Variants in KLHL35 observed in about 807,000 individuals in gnomAD.
KLHL35 encodes the protein kelch like family member 35, also known as kelch-like protein 35.
A neutral mutation model predicts 44.0 loss-of-function variants in KLHL35; 50 were observed. The ratio of observed to expected loss-of-function variants is 1.14; its 90% confidence interval spans 0.91 to 1.44. The LOEUF (loss-of-function observed/expected upper bound fraction) is 1.44. KLHL35 is among the 40% of genes most tolerant of loss of function. KLHL35 has a pLI of 0.00. For missense variants in KLHL35, 1,049 were observed against 887.8 expected, an observed-to-expected ratio of 1.18 and a Z score of -2.31; for synonymous variants, 470 against 410.4, an observed-to-expected ratio of 1.15 and a Z score of -1.76.
At chr11:75,426,399 C>G in intron 4 of KLHL35, 121 bp downstream of exon 4, 1 of 602,604 alleles carries the variant, frequency 1.7e-6, no homozygotes, top group Non-Finnish European at 2.9e-6. Flanking sequence ...TTGGACAAGT[C>G]TCCTTTTTTG....
intron 3 of KLHL35, 145 bp downstream of exon 3, chr11:75,428,297 T>C (rs1948506634): frequency 1.1e-6 from 1 of 880,530 alleles, no homozygotes; most frequent in Non-Finnish European, 1.7e-6. Context: ...CACGCGTAGT[T>C]AGCCCTGCTC....
At chr11:75,432,323 G>A (rs1365047178) in intron 1 of KLHL35, among the ~76,000 whole-genome samples, 1 of 152,164 alleles carries the variant, frequency 6.6e-6, no homozygotes, top group Non-Finnish European at 1.5e-5. Context: ...TGAGAGATGA[G>A]CTCCCTGGTG....
rs1480388765 is a variant in KLHL35 at position 75,430,417 on chromosome 11, C to A, written c.213G>T (p.Ala71=). The change falls in exon 2 of 7, where the codon GCG becomes GCT. Residue 71 remains alanine (A), a synonymous_variant. Transcript: ENST00000539798. ...AGSAYFRSLF[A]AGRPERGPAV... ...CCGGGCCGCGCTCGGGCCGCCCGGC[C>A]GCGAACAAGCTGCGGAAGTAGGCGC... The A allele has an allele frequency of 7.3e-7, 1 of 1,369,612 alleles. No individual in the cohort carries two copies. The highest frequency in any genetic ancestry group is 9.5e-7 in the Non-Finnish European group (1 of 1,054,282). 84.8% of individuals were successfully genotyped at this position (1,369,612 alleles called of 1,614,324 possible). A position where few individuals can be genotyped will look rare whatever the true frequency, so the allele number is the denominator to read the frequency against.
At chr11:75,432,832 C>T (rs943844151) in intron 1 of KLHL35, among the ~76,000 whole-genome samples, 10 of 152,142 alleles carry the variant, frequency 6.6e-5, no homozygotes, top group African/African-American at 2.4e-4. Context: ...TGAGTCTAGG[C>T]ACTTCAAGCC....
intron 3 of KLHL35, among the ~76,000 whole-genome samples, chr11:75,427,734 AG>A (rs1460177474): frequency 6.6e-6 from 1 of 152,166 alleles, no homozygotes; most frequent in Non-Finnish European, 1.5e-5. Context: ...CTGAGTCCCC[AG>A]GGTTCCTTTC....
chr11:75,425,022 C>A, intron 5 of KLHL35: 1 of 201,598 alleles, frequency 5.0e-6, no homozygotes, highest in Non-Finnish European at 9.7e-6. Context: ...GCAGCTCTGC[C>A]TAGACGGTGG....
Position 75,430,283 on chromosome 11 carries a change from C to G in KLHL35, c.347G>C (p.Arg116Pro), listed in dbSNP as rs933172904. The part of the protein sequence containing the change: ...VLDYVYGAGV[R>P]LRAEDEAAAV... ...CGCCGCCTCGTCCTCCGCGCGCAGCCGCACGCCCGCTCCGTACACGTAGTC... is the reference window on the plus strand; with the variant it reads ...CGCCGCCTCGTCCTCCGCGCGCAGCGGCACGCCCGCTCCGTACACGTAGTC... Residue 116 changes from arginine (R) to proline (P), a missense_variant, in exon 2 of 7, where the codon CGG (arginine) becomes CCG (proline). By Grantham distance (103) the Arg-to-Pro change is moderately radical. Transcript: ENST00000539798. The G allele has an allele frequency of 4.1e-6, 5 of 1,210,116 alleles. No homozygotes were observed. The African/African-American group carries it at 8.1e-5, about 20-fold the overall frequency. 75.0% of individuals were successfully genotyped at this position (1,210,116 alleles called of 1,614,324 possible).
At position 75,430,094 on chromosome 11, in the gene KLHL35, C is replaced by T; in HGVS notation, c.536G>A (p.Arg179His). ...PLAERCGRVL[R>H]QAFAEVARHA... is the part of the protein sequence containing the mutation. ...GCGCGCCACCTCGGCGAAGGCCTGA[C>T]GCAGGACGCGGCCGCAGCGCTCGGC... The change falls in exon 2 of 7, where the codon CGT (arginine) becomes CAT (histidine). Residue 179 changes from arginine (R) to histidine (H), a missense_variant. Arg to His is a conservative substitution (Grantham distance 29, BLOSUM62 0). Coordinates refer to ENST00000539798, the MANE Select transcript of KLHL35 (RefSeq NM_001039548.3). 1.5e-6 allele frequency: 2 copies of T among 1,343,206 alleles called. No individual in the cohort carries two copies. Among genetic ancestry groups the T allele is most frequent in the African/African-American group, 1.5e-5 (1 of 64,748 alleles). 83.2% of individuals were successfully genotyped at this position (1,343,206 alleles called of 1,614,324 possible). A position where few individuals can be genotyped will look rare whatever the true frequency, so the allele number is the denominator to read the frequency against.
intron 6 of KLHL35, chr11:75,423,459 A>G (rs1948466841): frequency 1.9e-6 from 1 of 521,224 alleles, no homozygotes. Context: ...TTGGGACTGC[A>G]GGGTTCTAGG....
At position 75,430,401 on chromosome 11, in the gene KLHL35, G is replaced by C; in HGVS notation, c.229C>G (p.Arg77Gly). The stretch of plus-strand genomic sequence containing the variant: ...ACCACTGGCACCACGGCCGGGCCGC[G>C]CTCGGGCCGCCCGGCCGCGAACAAG... ...RSLFAAGRPE[R>G]GPAVVPVVPV... Residue 77 changes from arginine to glycine, a missense_variant, in exon 2 of 7, where the codon CGC (arginine) becomes GGC (glycine). Transcript: ENST00000539798. 7.3e-7 allele frequency: 1 copy of C among 1,374,890 alleles called. No homozygotes were observed. The highest frequency in any genetic ancestry group is 9.4e-7 in the Non-Finnish European group (1 of 1,062,126). The allele number at this position is 1,374,890 out of a possible 1,614,324, so 85.2% of individuals were successfully genotyped here. A position where few individuals can be genotyped will look rare whatever the true frequency, so the allele number is the denominator to read the frequency against.
chr11:75,425,287 T>G, intron 5 of KLHL35, 106 bp downstream of exon 5: 1 of 1,246,688 alleles, frequency 8.0e-7, no homozygotes, highest in Non-Finnish European at 1.1e-6. Context: ...GTTGATGGGA[T>G]TAAGTGAATA....
intron 2 of KLHL35, among the ~76,000 whole-genome samples, chr11:75,428,984 C>A (rs1453917885): frequency 6.6e-6 from 1 of 152,218 alleles, no homozygotes; most frequent in Non-Finnish European, 1.5e-5. Context: ...GGCTCACATA[C>A]CATGGCGTGC....
At chr11:75,431,112 C>T (rs1948534091) in intron 1 of KLHL35, among the ~76,000 whole-genome samples, 1 of 152,138 alleles carries the variant, frequency 6.6e-6, no homozygotes, top group Non-Finnish European at 1.5e-5. Context: ...GTGACAGGAG[C>T]TGAAGCCCTG....
At position 75,425,556 on chromosome 11, in the gene KLHL35, C is replaced by G; in HGVS notation, c.1211G>C (p.Gly404Ala). 6.7e-7 allele frequency: 1 copy of G among 1,487,716 alleles called. No homozygotes were observed. Among genetic ancestry groups the G allele is most frequent in the Non-Finnish European group, 8.9e-7 (1 of 1,125,934 alleles). 92.2% of individuals were successfully genotyped at this position (1,487,716 alleles called of 1,614,324 possible). Residue 404 changes from glycine (G) to alanine (A), a missense_variant, in exon 5 of 7, where the codon GGC becomes GCC. Coordinates refer to ENST00000539798, the MANE Select transcript of KLHL35 (RefSeq NM_001039548.3). ...GQLFAVGGFDGLRRLHSVERY... is the reference protein window; with the variant it reads ...GQLFAVGGFDALRRLHSVERY... ...CTCCACGCTGTGCAGGCGCCTCAGG[C>G]CGTCGAAGCCACCCACCGCGAACAG...
In KLHL35 at chr11:75,430,488, C is replaced by T. The variant is rs1005026955; in HGVS notation, c.142G>A (p.Gly48Ser). 6 of 1,407,266 alleles carry T rather than the reference C, an allele frequency of 4.3e-6. No individual in the cohort carries two copies. The highest frequency in any genetic ancestry group is 3.1e-5 in the Admixed American group (1 of 32,376). The allele number at this position is 1,407,266 out of a possible 1,614,324, so 87.2% of individuals were successfully genotyped here. The change falls in exon 2 of 7, where the codon GGC becomes AGC. Residue 48 changes from glycine to serine, a missense_variant. Physicochemically the swap from Gly to Ser is moderately conservative, Grantham distance 56 (BLOSUM62 0). Transcript: ENST00000539798. ...CGGTGGCACGGAAAGTCGCGCCCGC[C>T]GGCGCGCAGCACCACGTCGGTGAGG... The part of the protein sequence containing the change: ...GTLTDVVLRA[G>S]GRDFPCHRAA...
At chr11:75,426,796 G>C (rs1948496151) in intron 3 of KLHL35, 158 bp from the exon 4 acceptor site, 2 of 531,156 alleles carry the variant, frequency 3.8e-6, no homozygotes, top group Admixed American at 6.4e-5. Flanking sequence ...CTGTGACCCA[G>C]TGTGCTTTGA....
At chr11:75,432,549 A>G (rs903989483) in intron 1 of KLHL35, among the ~76,000 whole-genome samples, 5 of 152,198 alleles carry the variant, frequency 3.3e-5, no homozygotes, top group Admixed American at 1.3e-4. Context: ...TTGAGACTCA[A>G]GAGGGCAGGT....
rs1169448205 is a variant in KLHL35, at chr11:75,430,215, G to A, written c.415C>T (p.Arg139Cys). 2.4e-6 allele frequency: 3 copies of A among 1,229,410 alleles called. 1 individual carries two copies. In the South Asian group the frequency reaches 7.4e-5, roughly 30 times the overall value. 76.2% of individuals were successfully genotyped at this position (1,229,410 alleles called of 1,614,324 possible). The change falls in exon 2 of 7, where the codon CGC becomes TGC. Residue 139 changes from arginine (R) to cysteine (C), a missense_variant. Arg to Cys is a radical substitution (Grantham distance 180, BLOSUM62 -3). Coordinates refer to ENST00000539798, the MANE Select transcript of KLHL35 (RefSeq NM_001039548.3). ...LAERLGVAGLREACVRFLEGR... is the reference protein window; with the variant it reads ...LAERLGVAGLCEACVRFLEGR... ...TCGAGAAAGCGCACGCAGGCCTCGC[G>A]CAGGCCCGCCACGCCCAGCCGCTCC...
At chr11:75,426,311 G>A (rs1253338852) in intron 4 of KLHL35, 2 of 459,806 alleles carry the variant, frequency 4.3e-6, no homozygotes, top group East Asian at 3.6e-5. Context: ...TGGCCCCAGA[G>A]CCCATACCCT....
Sources: allele counts gnomAD v4.1 joint callset (sites outside exome capture counted in the v4.1 genomes callset), GRCh38; gene constraint gnomAD v4.1.1; transcripts MANE v1.5; gene names NCBI Gene and HGNC (gene_info 2026-07-23, HGNC 2026-07-21).